The following ITPR2 variants were observed in gnomAD, a reference collection of about 807,000 sequenced individuals.
ITPR2 encodes inositol 1,4,5-trisphosphate-gated calcium channel ITPR2.
A neutral mutation model predicts 317.1 loss-of-function variants in ITPR2; 207 were observed. The observed-to-expected ratio is 0.65, with a 90% CI of 0.58 to 0.73. The LOEUF is 0.73. Ranked by LOEUF, ITPR2 falls within the 30% of genes least tolerant of loss-of-function variation. ITPR2 has a pLI of 0.00. For synonymous variants in ITPR2, 1,156 were observed against 1,149.1 expected (o/e 1.01, Z -0.12); for missense variants, 2,613 against 3,284.0 (o/e 0.80, Z 4.99).
At chr12:26,494,416 T>A in intron 38 of ITPR2, 76 bp from the exon 39 acceptor site, 1 of 875,718 alleles carries the variant, frequency 1.1e-6, no homozygotes, top group Non-Finnish European at 1.6e-6. Flanking sequence ...AATTCTTAAA[T>A]TTTATTATTT....
intron 22 of ITPR2, among the ~76,000 whole-genome samples, chr12:26,629,312 G>C (rs940237093): frequency 6.6e-6 from 1 of 152,000 alleles, no homozygotes; most frequent in East Asian, 1.9e-4. Flanking sequence ...CTCTCTCAGG[G>C]GCAGTGGCTC....
chr12:26,778,434 G>A (rs1950017561), intron 2 of ITPR2, among the ~76,000 whole-genome samples: 1 of 152,172 alleles, frequency 6.6e-6, no homozygotes, highest in South Asian at 2.1e-4. Context: ...TCCAATTGCA[G>A]CTGCTGTACC....
At chr12:26,693,722 C>G (rs562202400) in intron 10 of ITPR2, among the ~76,000 whole-genome samples, 6 of 152,296 alleles carry the variant, frequency 3.9e-5, no homozygotes, top group Admixed American at 1.3e-4. Context: ...TATTCTCCCA[C>G]TCTGCTCAGG....
At chr12:26,832,617 G>A in intron 1 of ITPR2, 73 bp downstream of exon 1, 2 of 1,168,648 alleles carry the variant, frequency 1.7e-6, no homozygotes. Context: ...AGGACCGGGC[G>A]GCGGAGGAGG....
intron 55 of ITPR2, among the ~76,000 whole-genome samples, chr12:26,349,289 A>T (rs1938406151): frequency 6.6e-6 from 1 of 152,338 alleles, no homozygotes; most frequent in Non-Finnish European, 1.5e-5. Context: ...ACAGGACTTG[A>T]AGATTCATTT....
intron 39 of ITPR2, among the ~76,000 whole-genome samples, chr12:26,489,512 G>A (rs1234626922): frequency 1.3e-5 from 2 of 152,164 alleles, no homozygotes. Context: ...ATGTAAGCTT[G>A]GGTCTATCTC....
intron 31 of ITPR2, among the ~76,000 whole-genome samples, 155 bp from the exon 32 acceptor site, chr12:26,595,745 G>T (rs1945826019): frequency 1.3e-5 from 2 of 152,052 alleles, no homozygotes; most frequent in Admixed American, 1.3e-4. Context: ...CTCTTCTTTT[G>T]CTAACAGTCC....
chr12:26,643,605 G>A (rs889978421), intron 21 of ITPR2, among the ~76,000 whole-genome samples: 2 of 152,218 alleles, frequency 1.3e-5, no homozygotes, highest in African/African-American at 2.4e-5. Context: ...GTCATTCAGA[G>A]GAGGTATCAG....
At position 26,833,006 on chromosome 12, in the gene ITPR2, A is replaced by G; in HGVS notation, c.-225T>C. 1 of 499,874 alleles carries G rather than the reference A, an allele frequency of 2.0e-6. No homozygotes were observed. Among genetic ancestry groups the G allele is most frequent in the East Asian group, 3.8e-5 (1 of 26,138 alleles). The allele number at this position is 499,874 out of a possible 1,614,324, so 31.0% of individuals were successfully genotyped here. A position where few individuals can be genotyped will look rare whatever the true frequency, so the allele number is the denominator to read the frequency against. On this transcript the variant is annotated 5_prime_UTR_variant, in exon 1 of 57. Coordinates refer to ENST00000381340, the MANE Select transcript of ITPR2 (RefSeq NM_002223.4). ...CCGCAGCTGCGGACACCCCGCGAAG[A>G]GCGCAGCCCAGGCGCCCAGAGAAGC...
chr12:26,425,671 G>GA (rs201178294), intron 49 of ITPR2, among the ~76,000 whole-genome samples: 43,301 of 116,070 alleles, frequency 0.37, 6,521 homozygotes, highest in East Asian at 0.52. Flanking sequence ...GTCTAAAAAA[G>GA]AAAAAAAAAA....
intron 9 of ITPR2, among the ~76,000 whole-genome samples, chr12:26,707,382 A>G (rs1302730987): frequency 1.3e-5 from 2 of 152,178 alleles, no homozygotes; most frequent in Non-Finnish European, 2.9e-5. Flanking sequence ...AGTAAAATAA[A>G]TCTGTGCCAT....
At chr12:26,343,540 T>G (rs1214719109) in intron 55 of ITPR2, among the ~76,000 whole-genome samples, 2 of 152,198 alleles carry the variant, frequency 1.3e-5, no homozygotes, top group African/African-American at 4.8e-5. Flanking sequence ...ATGGTAAGTT[T>G]TGTGTTATAT....
At chr12:26,527,061 T>C (rs949519789) in intron 37 of ITPR2, among the ~76,000 whole-genome samples, 1 of 152,190 alleles carries the variant, frequency 6.6e-6, no homozygotes, top group Non-Finnish European at 1.5e-5. Context: ...AACACTCACT[T>C]CTAGTGTCTT....
Position 26,387,521 on chromosome 12 carries a change from C to G in ITPR2, c.7770G>C (p.Trp2590Cys). Residue 2590 changes from tryptophan to cysteine, a missense_variant, in exon 55 of 57, where the codon TGG (tryptophan) becomes TGC (cysteine). Around this residue, in one of 9 missense-constraint regions of ITPR2, gnomAD observed 119 missense variants for 144.3 expected, o/e 0.82. Coordinates refer to ENST00000381340, the MANE Select transcript of ITPR2 (RefSeq NM_002223.4). ...EEHIKSEHNM[W>C]HYLYFIVLVK... ...CCAGGACTATGAAGTACAAATAATG[C>G]CACATATTGTGTTCTGACTTAATGT... The G allele has an allele frequency of 6.2e-7, 1 of 1,613,690 alleles. No homozygotes were observed. The highest frequency in any genetic ancestry group is 1.1e-5 in the South Asian group (1 of 91,070).
rs369041558 is a variant in ITPR2 at position 26,728,191 on chromosome 12, T to G, written c.164-2426A>C. On this transcript the variant is annotated intron_variant, in intron 2 of 56. Transcript: ENST00000381340. Reference sequence around the variant, plus strand: ...CAGGAAGGCCATCCCCGAAACCCGCTGCTGTTGTGAAAAGACAGTAGGGAT... The same window carrying G: ...CAGGAAGGCCATCCCCGAAACCCGCGGCTGTTGTGAAAAGACAGTAGGGAT... 1.1e-4 allele frequency among the ~76,000 whole-genome samples: 17 copies of G among 152,252 alleles called. No individual in the cohort carries two copies. In the South Asian group the frequency reaches 3.3e-3, roughly 30 times the overall value.
intron 55 of ITPR2, among the ~76,000 whole-genome samples, chr12:26,344,208 T>C (rs958327047): frequency 1.3e-5 from 2 of 152,108 alleles, no homozygotes; most frequent in Non-Finnish European, 2.9e-5. Flanking sequence ...AACCACCCAG[T>C]CTCACGTATT....
rs1284678418 is a variant in ITPR2, at chr12:26,561,811, G to A, written c.4772C>T (p.Ala1591Val). The A allele has an allele frequency of 3.1e-6, 5 of 1,591,220 alleles. No homozygotes were observed. Among genetic ancestry groups the A allele is most frequent in the Non-Finnish European group, 3.4e-6 (4 of 1,174,040 alleles). The part of the protein sequence containing the change: ...SARSGPRFKE[A>V]LGGPAWDYRN... ...GTAATCCCAAGCAGGCCCTCCAAGAGCTTCCTTAAAGCGTGGCCCAGAGCG... is the reference window on the plus strand; with the variant it reads ...GTAATCCCAAGCAGGCCCTCCAAGAACTTCCTTAAAGCGTGGCCCAGAGCG... Residue 1591 changes from alanine (A) to valine (V), a missense_variant, in exon 35 of 57, where the codon GCT becomes GTT. By Grantham distance (64) the Ala-to-Val change is moderately conservative. This residue lies in a region of ITPR2 where 926 missense variants were observed against 1,072.8 expected (regional missense o/e 0.86). Coordinates refer to ENST00000381340, the MANE Select transcript of ITPR2 (RefSeq NM_002223.4).
At chr12:26,340,513 C>T (rs1287795122) in intron 55 of ITPR2, among the ~76,000 whole-genome samples, 185 bp from the exon 56 acceptor site, 1 of 152,022 alleles carries the variant, frequency 6.6e-6, no homozygotes, top group East Asian at 1.9e-4. Flanking sequence ...GGGGGAAGAC[C>T]CCAAATATTG....
At chr12:26,572,996 C>G (rs1197578485) in intron 34 of ITPR2, among the ~76,000 whole-genome samples, 1 of 149,490 alleles carries the variant, frequency 6.7e-6, no homozygotes, top group African/African-American at 2.5e-5. Flanking sequence ...ACTTGGATTT[C>G]ATTTATTTAT....
Sources: gnomAD v4.1 joint callset for allele counts (sites outside exome capture counted in the v4.1 genomes callset) on GRCh38, gnomAD v4.1.1 for gene constraint, gnomAD v4.1.1 regional missense constraint, MANE v1.5 for transcripts, NCBI Gene and HGNC (gene_info 2026-07-23, HGNC 2026-07-21) for gene names.